GRM5: variants seen among roughly 807,000 people sequenced by gnomAD.
GRM5 encodes the protein glutamate metabotropic receptor 5, also known as metabotropic glutamate receptor 5.
Under a neutral mutation model 83.1 loss-of-function variants are expected in GRM5, and 19 were observed. That is an observed-to-expected ratio of 0.23 (90% CI 0.16 to 0.34). The LOEUF (loss-of-function observed/expected upper bound fraction) is 0.34, where lower values mean the gene tolerates loss of function less well. Ranked by LOEUF, GRM5 falls within the 10% of genes least tolerant of loss-of-function variation. The probability of loss-of-function intolerance (pLI) is 1.00; values close to 1 mark genes in which losing one functional copy is unlikely to be tolerated. For missense variants in GRM5, 1,160 were observed against 1,588.3 expected, an observed-to-expected ratio of 0.73 and a Z score of 4.58; for synonymous variants, 675 against 633.6, an observed-to-expected ratio of 1.07 and a Z score of -0.98.
intron 1 of GRM5, among the ~76,000 whole-genome samples, chr11:89,062,164 G>A (rs180840350): frequency 6.6e-6 from 1 of 152,156 alleles, no homozygotes; most frequent in South Asian, 2.1e-4. Context: ...ATAAAGGACA[G>A]AAATAGCCAC....
intron 3 of GRM5, among the ~76,000 whole-genome samples, chr11:88,661,435 G>A (rs1939903363): frequency 6.6e-6 from 1 of 151,850 alleles, no homozygotes; most frequent in Non-Finnish European, 1.5e-5. Context: ...GTTAATGAAT[G>A]TATTCATTAG....
chr11:88,752,945 C>T (rs972878775), intron 3 of GRM5, among the ~76,000 whole-genome samples: 1 of 152,054 alleles, frequency 6.6e-6, no homozygotes, highest in Admixed American at 6.6e-5. Flanking sequence ...ACACCATATG[C>T]AAAAATTAAT....
chr11:88,621,962 T>C (rs1251250490), intron 4 of GRM5, among the ~76,000 whole-genome samples: 1 of 152,194 alleles, frequency 6.6e-6, no homozygotes, highest in African/African-American at 2.4e-5. Context: ...AGTAGATCTA[T>C]ATAAAATGAT....
rs1212796713 is a variant in GRM5, at chr11:88,583,115, C to CA, written c.1690+7485dup. On this transcript the variant is annotated intron_variant, in intron 7 of 9. Coordinates refer to ENST00000305447, the MANE Select transcript of GRM5 (RefSeq NM_001143831.3). ...TTTAATGTGCTTATTTATTAAAAGG[C>CA]AAAAAAAAAAAAAGTCCCAAGAAAA... is the stretch of plus-strand genomic sequence containing the variant. Among the ~76,000 whole-genome samples, 337 of 140,140 alleles carry CA rather than the reference C, an allele frequency of 2.4e-3. 2 individuals carry two copies. Among genetic ancestry groups the CA allele is most frequent in the South Asian group, 4.2e-3 (18 of 4,270 alleles). 91.9% of individuals were successfully genotyped at this position (140,140 alleles called of 152,430 possible). A position where few individuals can be genotyped will look rare whatever the true frequency, so the allele number is the denominator to read the frequency against.
At chr11:88,543,971 A>G (rs1188489052) in intron 8 of GRM5, among the ~76,000 whole-genome samples, 2 of 152,120 alleles carry the variant, frequency 1.3e-5, no homozygotes, top group African/African-American at 2.4e-5. Context: ...TGCCCTCACG[A>G]ATGGATTAAT....
At chr11:88,595,027 T>C (rs569864474) in intron 6 of GRM5, among the ~76,000 whole-genome samples, 2 of 152,330 alleles carry the variant, frequency 1.3e-5, no homozygotes, top group Middle Eastern at 3.4e-3. Context: ...CCACATCTTC[T>C]TTAGCCTAAG....
chr11:88,945,633 A>G (rs1156678729), intron 2 of GRM5, among the ~76,000 whole-genome samples: 2 of 152,164 alleles, frequency 1.3e-5, no homozygotes. Flanking sequence ...ATAAGCAATC[A>G]GGTAAGGAAT....
chr11:88,773,916 T>C (rs1175416588), intron 3 of GRM5, among the ~76,000 whole-genome samples: 1 of 152,118 alleles, frequency 6.6e-6, no homozygotes, highest in African/African-American at 2.4e-5. Context: ...TTTTGCTTAG[T>C]ATTATCTTGG....
chr11:88,557,308 C>T (rs985949520), intron 8 of GRM5, among the ~76,000 whole-genome samples: 1 of 152,136 alleles, frequency 6.6e-6, no homozygotes, highest in Non-Finnish European at 1.5e-5. Flanking sequence ...TAAGTGTTTA[C>T]TGCATAAAGG....
At chr11:88,620,344 G>A (rs1938599632) in intron 4 of GRM5, among the ~76,000 whole-genome samples, 1 of 152,142 alleles carries the variant, frequency 6.6e-6, no homozygotes, top group Non-Finnish European at 1.5e-5. Context: ...CATATCATGG[G>A]ATTCAGAGAT....
In GRM5 at chr11:88,709,348, C is replaced by T. The variant is rs76746327; in HGVS notation, c.912-55945G>A. On this transcript the variant is annotated intron_variant, in intron 3 of 9. Coordinates refer to ENST00000305447, the MANE Select transcript of GRM5 (RefSeq NM_001143831.3). Reference sequence around the variant, plus strand: ...TGAGGCTAAAAGGTGAGTTATAGGTCAGATCATGGAGAGCCAGGGTAAGGG... The same window carrying T: ...TGAGGCTAAAAGGTGAGTTATAGGTTAGATCATGGAGAGCCAGGGTAAGGG... Among the ~76,000 whole-genome samples, 1,152 of 152,048 alleles carry T rather than the reference C, an allele frequency of 7.6e-3. 16 individuals are homozygous for T. Among genetic ancestry groups the T allele is most frequent in the African/African-American group, 0.026 (1,094 of 41,486 alleles).
At position 88,995,544 on chromosome 11, in the gene GRM5, C is replaced by CAA. The variant is rs1022656205; in HGVS notation, c.661+51666_661+51667dup. 3.6e-3 allele frequency among the ~76,000 whole-genome samples: 61 copies of CAA among 16,898 alleles called. 3 individuals carry two copies. Among genetic ancestry groups the CAA allele is most frequent in the Non-Finnish European group, 5.0e-3 (28 of 5,576 alleles). The allele number at this position is 16,898 out of a possible 152,430, so 11.1% of individuals were successfully genotyped here. ...TGGCAACAAGAGCGAGACTCCATCT[C>CAA]AAAAAAAAAAAAAAAAAAAAAAAAA... On this transcript the variant is annotated intron_variant, in intron 2 of 9. Transcript: ENST00000305447.
intron 3 of GRM5, among the ~76,000 whole-genome samples, chr11:88,759,160 G>A (rs959150263): frequency 6.6e-6 from 1 of 152,018 alleles, no homozygotes. Context: ...ACACTATAAA[G>A]CAACCAAACA....
intron 3 of GRM5, among the ~76,000 whole-genome samples, chr11:88,840,839 C>T (rs1229399821): frequency 1.3e-5 from 2 of 152,068 alleles, no homozygotes; most frequent in African/African-American, 4.8e-5. Flanking sequence ...AGGTTCTGGG[C>T]GGTAAGAGGC....
chr11:88,680,572 C>T (rs890337553), intron 3 of GRM5, among the ~76,000 whole-genome samples: 23 of 152,148 alleles, frequency 1.5e-4, no homozygotes, highest in African/African-American at 3.9e-4. Context: ...GACAGTGTGG[C>T]GATCCCTCAG....
At chr11:88,651,875 A>G (rs1939641372) in intron 4 of GRM5, among the ~76,000 whole-genome samples, 1 of 152,096 alleles carries the variant, frequency 6.6e-6, no homozygotes, top group African/African-American at 2.4e-5. Context: ...ACAAACCACC[A>G]TTGACTATCT....
chr11:88,659,286 G>A (rs902939540), intron 3 of GRM5, among the ~76,000 whole-genome samples: 1 of 151,992 alleles, frequency 6.6e-6, no homozygotes, highest in Non-Finnish European at 1.5e-5. Context: ...AATATGAGTT[G>A]GGATCTGTGA....
intron 2 of GRM5, among the ~76,000 whole-genome samples, chr11:89,037,080 G>A (rs1941406709): frequency 6.6e-6 from 1 of 151,972 alleles, no homozygotes; most frequent in South Asian, 2.1e-4. Flanking sequence ...CACATGTGGT[G>A]CACTATGACT....
intron 2 of GRM5, among the ~76,000 whole-genome samples, chr11:88,991,669 A>G (rs1204654746): frequency 6.6e-6 from 1 of 151,384 alleles, no homozygotes; most frequent in Non-Finnish European, 1.5e-5. Context: ...ACAGAAATAT[A>G]GATCAATGGA....
Sources: gnomAD v4.1 joint callset for allele counts (sites outside exome capture counted in the v4.1 genomes callset) on GRCh38, gnomAD v4.1.1 for gene constraint, MANE v1.5 for transcripts, NCBI Gene and HGNC (gene_info 2026-07-23, HGNC 2026-07-21) for gene names.